The following ACSBG1 variants were observed in gnomAD, a reference collection of about 807,000 sequenced individuals.
ACSBG1 encodes acyl-CoA synthetase bubblegum family member 1, also known as long-chain-fatty-acid--CoA ligase ACSBG1.
Under a neutral mutation model 80.2 loss-of-function variants are expected in ACSBG1, and 39 were observed. That is an observed-to-expected ratio of 0.49 (90% confidence interval 0.38 to 0.64). ACSBG1 has a LOEUF of 0.64. ACSBG1 is among the 30% of genes least tolerant of loss of function. The probability of loss-of-function intolerance (pLI) is 0.00; values close to 1 mark genes in which losing one functional copy is unlikely to be tolerated. For synonymous variants in ACSBG1, 392 were observed against 379.5 expected (o/e 1.03, Z -0.38); for missense variants, 828 against 966.4 (o/e 0.86, Z 1.90).
chr15:78,203,738 G>A (rs1266493268), intron 2 of ACSBG1, among the ~76,000 whole-genome samples: 1 of 152,242 alleles, frequency 6.6e-6, no homozygotes, highest in African/African-American at 2.4e-5. Flanking sequence ...TGTTTTCCGT[G>A]GTCTGTGGGA....
At chr15:78,215,324 A>G (rs1335591246) in intron 1 of ACSBG1, among the ~76,000 whole-genome samples, 2 of 115,708 alleles carry the variant, frequency 1.7e-5, no homozygotes, top group Non-Finnish European at 4.1e-5. Context: ...CTTCAAGGCT[A>G]GCTCTGGATG....
At chr15:78,187,833 G>C (rs1595886024) in intron 5 of ACSBG1, among the ~76,000 whole-genome samples, 2 of 152,280 alleles carry the variant, frequency 1.3e-5, no homozygotes, top group African/African-American at 4.8e-5. Flanking sequence ...AGGGCAATTA[G>C]GCAGGAGAAG....
chr15:78,186,066 G>T (rs28781283), intron 5 of ACSBG1, among the ~76,000 whole-genome samples: 3,475 of 152,128 alleles, frequency 0.023, 131 homozygotes, highest in African/African-American at 0.078. Context: ...TATGAATCTG[G>T]GTGCTCCTGT....
At chr15:78,225,418 A>C (rs1284674933) in intron 1 of ACSBG1, among the ~76,000 whole-genome samples, 1 of 150,506 alleles carries the variant, frequency 6.6e-6, no homozygotes, top group African/African-American at 2.4e-5. Flanking sequence ...TAAATAAATA[A>C]ATAAATAAAT....
intron 8 of ACSBG1, 52 bp from the exon 9 acceptor site, chr15:78,180,988 A>C (rs1468713116): frequency 3.2e-6 from 5 of 1,583,528 alleles, no homozygotes. Flanking sequence ...TCTGGGGCCC[A>C]GGGGTCCCCT....
chr15:78,187,336 C>T, intron 5 of ACSBG1, among the ~76,000 whole-genome samples: 1 of 152,150 alleles, frequency 6.6e-6, no homozygotes, highest in Non-Finnish European at 1.5e-5. Context: ...AGGCCAGCAT[C>T]ATCCTGATAC....
intron 5 of ACSBG1, among the ~76,000 whole-genome samples, chr15:78,187,374 A>G (rs2075014492): frequency 6.6e-6 from 1 of 152,202 alleles, no homozygotes; most frequent in Admixed American, 6.5e-5. Context: ...ACAACCAAAA[A>G]AGAGAATTTT....
At chr15:78,211,280 C>T (rs775189715) in intron 1 of ACSBG1, among the ~76,000 whole-genome samples, 32 of 152,344 alleles carry the variant, frequency 2.1e-4, no homozygotes, top group African/African-American at 6.3e-4. Context: ...ATCATGAGCA[C>T]GCCGAAGGCG....
intron 2 of ACSBG1, among the ~76,000 whole-genome samples, chr15:78,196,077 A>C (rs2075111583): frequency 6.6e-6 from 1 of 152,204 alleles, no homozygotes; most frequent in Admixed American, 6.5e-5. Flanking sequence ...GGCAGCCTGC[A>C]GGAAATGCAG....
At chr15:78,198,448 G>C (rs977980038) in intron 2 of ACSBG1, among the ~76,000 whole-genome samples, 4 of 152,188 alleles carry the variant, frequency 2.6e-5, no homozygotes, top group Non-Finnish European at 1.5e-5. Context: ...CTGGGTTCAA[G>C]TGATTCTCCT....
chr15:78,202,153 A>C (rs892905863), intron 2 of ACSBG1, among the ~76,000 whole-genome samples: 1 of 152,052 alleles, frequency 6.6e-6, no homozygotes, highest in Non-Finnish European at 1.5e-5. Flanking sequence ...AGGAAGGTCC[A>C]TTCTTCCCAT....
chr15:78,215,789 A>ACT (rs1491157942), intron 1 of ACSBG1, among the ~76,000 whole-genome samples: 1 of 151,004 alleles, frequency 6.6e-6, no homozygotes, highest in Non-Finnish European at 1.5e-5. Context: ...AAAGAAAGAG[A>ACT]AAGAAAGAGA....
intron 2 of ACSBG1, among the ~76,000 whole-genome samples, chr15:78,203,747 GA>G: frequency 6.6e-6 from 1 of 152,366 alleles, no homozygotes; most frequent in Middle Eastern, 3.4e-3. Flanking sequence ...TGGTCTGTGG[GA>G]AAGGCTGCAG....
At chr15:78,200,186 C>T (rs558269904) in intron 2 of ACSBG1, among the ~76,000 whole-genome samples, 2 of 152,156 alleles carry the variant, frequency 1.3e-5, no homozygotes, top group African/African-American at 4.8e-5. Context: ...CATCTCATAT[C>T]CTTCCTGGAA....
intron 1 of ACSBG1, among the ~76,000 whole-genome samples, chr15:78,208,749 C>T (rs375938336): frequency 7.9e-5 from 12 of 152,164 alleles, no homozygotes; most frequent in African/African-American, 1.9e-4. Flanking sequence ...AGATCCCCCT[C>T]GCCTCCCAGG....
chr15:78,217,708 A>G (rs1421324151), intron 1 of ACSBG1, among the ~76,000 whole-genome samples: 2 of 151,948 alleles, frequency 1.3e-5, no homozygotes, highest in African/African-American at 4.8e-5. Flanking sequence ...CTGGGATTAC[A>G]GGCACACGCC....
At chr15:78,228,007 C>T (rs1457965522) in intron 1 of ACSBG1, among the ~76,000 whole-genome samples, 2 of 152,216 alleles carry the variant, frequency 1.3e-5, no homozygotes, top group Non-Finnish European at 2.9e-5. Context: ...AATCTCTTGC[C>T]TTAGCCTCCT....
chr15:78,234,035 C>T (rs929635890), intron 1 of ACSBG1, among the ~76,000 whole-genome samples: 11 of 152,156 alleles, frequency 7.2e-5, no homozygotes, highest in African/African-American at 4.8e-5. Context: ...CTTTGACCCC[C>T]GCAGGCAAAA....
chr15:78,230,420 A>G (rs540377046), intron 1 of ACSBG1, among the ~76,000 whole-genome samples: 2 of 152,282 alleles, frequency 1.3e-5, no homozygotes, highest in East Asian at 3.9e-4. Flanking sequence ...CCCCTCTGCA[A>G]CACTGGGAAG....
Sources: allele counts gnomAD v4.1 joint callset (sites outside exome capture counted in the v4.1 genomes callset), GRCh38; gene constraint gnomAD v4.1.1; transcripts MANE v1.5; gene names NCBI Gene and HGNC (gene_info 2026-07-23, HGNC 2026-07-21).